The following FBXO4 variants were observed in gnomAD, a reference collection of about 807,000 sequenced individuals.
FBXO4 encodes F-box only protein 4.
FBXO4 carries 36 observed loss-of-function variants against 43.7 expected under a neutral mutation model. The ratio of observed to expected loss-of-function variants is 0.82; its 90% CI spans 0.63 to 1.09. The LOEUF (loss-of-function observed/expected upper bound fraction) is 1.09, where lower values mean the gene tolerates loss of function less well. Among genes scored for constraint, FBXO4 ranks in the 50% least tolerant of loss-of-function variants. FBXO4 has a pLI of 0.00. For missense variants in FBXO4, 435 were observed against 474.1 expected (o/e 0.92, Z 0.77); for synonymous variants, 180 against 165.6 (o/e 1.09, Z -0.67).
chr5:41,988,496 A>G, the FBXO4 span, among the ~76,000 whole-genome samples: 1 of 152,316 alleles, frequency 6.6e-6, no homozygotes, highest in Non-Finnish European at 1.5e-5. Flanking sequence ...TAGAACTCAC[A>G]AAAGTGTTGG....
At position 41,934,138 on chromosome 5, in the gene FBXO4, A is replaced by G. The variant is rs749902930; in HGVS notation, c.728A>G (p.Glu243Gly). The change falls in exon 5 of 7, where the codon GAA becomes GGA. Residue 243 changes from glutamate (E) to glycine (G), a missense_variant. Transcript: ENST00000281623. ...ILILYSTTRK[E>G]RDRAREEHTS... Reference sequence around the variant, plus strand: ...CTTTACAATTTTTTTTCTAGAAAGGAAAGAGATAGAGCAAGGGAAGAGCAT... The same window carrying G: ...CTTTACAATTTTTTTTCTAGAAAGGGAAGAGATAGAGCAAGGGAAGAGCAT... 1.1e-5 allele frequency: 17 copies of G among 1,613,794 alleles called. No individual in the cohort carries two copies. The South Asian group carries it at 1.4e-4, about 14-fold the overall frequency.
the FBXO4 span, among the ~76,000 whole-genome samples, chr5:41,961,954 C>T: frequency 3.3e-5 from 5 of 152,184 alleles, no homozygotes; most frequent in African/African-American, 9.7e-5. Context: ...TTGCTCTCTC[C>T]TGGCATCTCA....
At chr5:41,990,597 A>G in the FBXO4 span, among the ~76,000 whole-genome samples, 12 of 152,196 alleles carry the variant, frequency 7.9e-5, no homozygotes, top group Non-Finnish European at 1.6e-4. Flanking sequence ...CAGGAATAAT[A>G]CCAATTCCCT....
chr5:42,022,890 G>A, the FBXO4 span, among the ~76,000 whole-genome samples: 1 of 152,038 alleles, frequency 6.6e-6, no homozygotes, highest in African/African-American at 2.4e-5. Context: ...TTTTCTCCAT[G>A]AGAACATAAG....
the FBXO4 span, among the ~76,000 whole-genome samples, chr5:42,027,896 G>T: frequency 6.6e-6 from 1 of 151,876 alleles, no homozygotes; most frequent in Non-Finnish European, 1.5e-5. Context: ...CAGAGAAGAT[G>T]CTTGGCATTA....
At chr5:41,943,835 G>A (rs773790401), downstream of FBXO4, among the ~76,000 whole-genome samples, 46 of 152,264 alleles carry the variant, frequency 3.0e-4, no homozygotes, top group Non-Finnish European at 5.3e-4. Flanking sequence ...TGGAGACAGG[G>A]CCTTCAAAGA....
the FBXO4 span, among the ~76,000 whole-genome samples, chr5:41,947,868 G>T: frequency 1.3e-5 from 2 of 152,210 alleles, no homozygotes; most frequent in East Asian, 3.9e-4. Context: ...AAGAAGTAGG[G>T]ATCAGGTATC....
chr5:42,005,071 A>T, the FBXO4 span, among the ~76,000 whole-genome samples: 1 of 152,174 alleles, frequency 6.6e-6, no homozygotes, highest in Admixed American at 6.5e-5. Context: ...TCACCTCATC[A>T]TCTCCAAACT....
chr5:41,955,346 A>G, the FBXO4 span, among the ~76,000 whole-genome samples: 1 of 152,180 alleles, frequency 6.6e-6, no homozygotes, highest in African/African-American at 2.4e-5. Flanking sequence ...TGATACAAAG[A>G]TTTCTGTTTC....
chr5:41,976,313 C>T, the FBXO4 span, among the ~76,000 whole-genome samples: 658 of 152,268 alleles, frequency 4.3e-3, 2 homozygotes, highest in Non-Finnish European at 7.5e-3. Context: ...TAACTTGTTC[C>T]AGACTTAACT....
chr5:41,940,803 G>A (rs2112589495), intron 6 of FBXO4, among the ~76,000 whole-genome samples: 1 of 152,242 alleles, frequency 6.6e-6, no homozygotes, highest in African/African-American at 2.4e-5. Context: ...CCATTAGGAG[G>A]AGTGGCAGTC....
chr5:42,024,740 T>A, the FBXO4 span, among the ~76,000 whole-genome samples: 2 of 151,996 alleles, frequency 1.3e-5, no homozygotes, highest in African/African-American at 2.4e-5. Flanking sequence ...ATCCTTCTAC[T>A]CTCTATGTCC....
chr5:42,014,163 T>C, the FBXO4 span, among the ~76,000 whole-genome samples: 4 of 152,190 alleles, frequency 2.6e-5, no homozygotes, highest in African/African-American at 9.6e-5. Context: ...ACCTTGCTTC[T>C]GTACTCTCAC....
chr5:42,030,108 T>C, the FBXO4 span, among the ~76,000 whole-genome samples: 1 of 152,056 alleles, frequency 6.6e-6, no homozygotes, highest in South Asian at 2.1e-4. Context: ...AAAAAATACT[T>C]TAAAGTTCAT....
the FBXO4 span, among the ~76,000 whole-genome samples, chr5:41,993,828 G>T: frequency 1.3e-5 from 2 of 151,854 alleles, no homozygotes; most frequent in African/African-American, 4.8e-5. Context: ...AAAGGTGTAG[G>T]CTAGGAGGCT....
At chr5:42,018,817 A>G in the FBXO4 span, among the ~76,000 whole-genome samples, 1 of 152,320 alleles carries the variant, frequency 6.6e-6, no homozygotes, top group South Asian at 2.1e-4. Context: ...AATGACAATA[A>G]CAAAGAGATC....
At chr5:41,971,682 T>G in the FBXO4 span, among the ~76,000 whole-genome samples, 3 of 152,058 alleles carry the variant, frequency 2.0e-5, no homozygotes, top group Non-Finnish European at 2.9e-5. Flanking sequence ...AAAATGTTTC[T>G]TTCTCTATTC....
At chr5:41,925,547 G>A (rs1350328489) in intron 1 of FBXO4, 49 bp downstream of exon 1, 11 of 1,270,228 alleles carry the variant, frequency 8.7e-6, no homozygotes, top group African/African-American at 1.6e-5. Context: ...GGCCCGGGCC[G>A]GAGGGACCTC....
chr5:41,945,632 C>T (rs1464217992), downstream of FBXO4, among the ~76,000 whole-genome samples: 5 of 152,134 alleles, frequency 3.3e-5, no homozygotes, highest in South Asian at 2.1e-4. Flanking sequence ...CCAGAAAAGC[C>T]GACGTTCATA....
Sources: allele counts gnomAD v4.1 joint callset (sites outside exome capture counted in the v4.1 genomes callset), GRCh38; gene constraint gnomAD v4.1.1; transcripts MANE v1.5; gene names NCBI Gene and HGNC (gene_info 2026-07-23, HGNC 2026-07-21).